The following DNAH14 variants were observed in gnomAD, a reference collection of about 807,000 sequenced individuals.
DNAH14 encodes axonemal beta dynein heavy chain 14.
In DNAH14, 478 loss-of-function variants were observed where a neutral mutation model predicts 520.9. The ratio of observed to expected loss-of-function variants is 0.92; its 90% CI spans 0.85 to 0.99. DNAH14 has a LOEUF of 0.99. DNAH14 is among the 50% of genes least tolerant of loss of function. DNAH14 has a pLI of 0.00. For synonymous variants in DNAH14, 1,581 were observed against 1,757.2 expected (o/e 0.90, Z 2.51); for missense variants, 4,831 against 5,234.5 (o/e 0.92, Z 2.38).
intron 17 of DNAH14, among the ~76,000 whole-genome samples, chr1:225,071,021 C>T (rs921664747): frequency 6.6e-6 from 1 of 152,122 alleles, no homozygotes; most frequent in Admixed American, 6.5e-5. Flanking sequence ...TTTCTGTTTT[C>T]CATTTGCTTC....
chr1:225,061,315 G>C (rs182859421), intron 17 of DNAH14, among the ~76,000 whole-genome samples: 2 of 152,252 alleles, frequency 1.3e-5, no homozygotes, highest in African/African-American at 2.4e-5. Flanking sequence ...CTCTGAGCCA[G>C]GCGCTGGATA....
intron 8 of DNAH14, among the ~76,000 whole-genome samples, chr1:224,990,783 A>G (rs1474335504): frequency 6.6e-6 from 1 of 152,140 alleles, no homozygotes; most frequent in East Asian, 1.9e-4. Context: ...TCTTTGACAT[A>G]CTTACTTCAA....
rs183518261 is a variant in DNAH14 at position 224,936,921 on chromosome 1, A to G, written c.-34+7086A>G. Among the ~76,000 whole-genome samples, 20 of 152,138 alleles carry G rather than the reference A, an allele frequency of 1.3e-4. No individual in the cohort carries two copies. The East Asian group carries it at 3.1e-3, about 23-fold the overall frequency. On this transcript the variant is annotated intron_variant, in intron 1 of 85. Coordinates refer to ENST00000682510, the MANE Select transcript of DNAH14 (RefSeq NM_001367479.1). ...ATGTAAAGATGGTTCAACATACACA[A>G]ATCAGTGAATGTGATACATCACATT...
chr1:225,089,149 T>C (rs983638737), intron 21 of DNAH14, among the ~76,000 whole-genome samples: 8 of 151,952 alleles, frequency 5.3e-5, no homozygotes, highest in African/African-American at 1.9e-4. Flanking sequence ...GACAAAGATA[T>C]TATAAGAAAA....
intron 8 of DNAH14, among the ~76,000 whole-genome samples, chr1:224,977,440 A>C (rs753440695): frequency 5.1e-4 from 78 of 152,170 alleles, no homozygotes; most frequent in Non-Finnish European, 1.0e-3. Context: ...ATACATATGT[A>C]ACTAACGTGC....
rs932134853 is a variant in DNAH14, at chr1:224,968,758, G to A, written c.652-1G>A. ...TAATGCTTTTGTGCTTTATTTTGTA[G>A]GTTATTAATATAGTTGGTAGTGTAA... On this transcript the variant is annotated splice_acceptor_variant, in intron 6 of 85. Coordinates refer to ENST00000682510, the MANE Select transcript of DNAH14 (RefSeq NM_001367479.1). LOFTEE classifies it high-confidence loss of function. The A allele has an allele frequency of 7.0e-7, 1 of 1,422,490 alleles. No individual in the cohort carries two copies. Among genetic ancestry groups the A allele is most frequent in the Non-Finnish European group, 9.3e-7 (1 of 1,071,568 alleles). The allele number at this position is 1,422,490 out of a possible 1,614,324, so 88.1% of individuals were successfully genotyped here.
chr1:225,114,682 C>A (rs10915779), intron 23 of DNAH14, among the ~76,000 whole-genome samples: 39,112 of 152,070 alleles, frequency 0.26, 7,734 homozygotes, highest in African/African-American at 0.55. Context: ...GGAATGGATG[C>A]TTACCCTCTG....
intron 4 of DNAH14, 81 bp from the exon 5 acceptor site, chr1:224,964,398 A>T: frequency 7.3e-7 from 1 of 1,367,698 alleles, no homozygotes; most frequent in South Asian, 2.2e-5. Context: ...TCTATATAGA[A>T]ATATTTGTAA....
rs530063673 is a variant in DNAH14 at position 225,240,155 on chromosome 1, T to C, written c.6519-438T>C. On this transcript the variant is annotated intron_variant, in intron 42 of 85. Transcript: ENST00000682510. ...CCACATAAAATTAAGAATTATAATT[T>C]CCTTTTCCAAAATACAGATAAACTG... Among the ~76,000 whole-genome samples the C allele has an allele frequency of 7.0e-4, 107 of 152,110 alleles. 1 individual carries two copies. The highest frequency in any genetic ancestry group is 2.5e-3 in the African/African-American group (104 of 41,550).
intron 17 of DNAH14, among the ~76,000 whole-genome samples, chr1:225,070,059 T>A (rs1357007810): frequency 1.3e-5 from 2 of 152,186 alleles, no homozygotes; most frequent in Non-Finnish European, 2.9e-5. Context: ...AATATCTCAC[T>A]TGTTATTTCT....
intron 29 of DNAH14, 49 bp downstream of exon 29, chr1:225,144,677 C>A: frequency 7.0e-7 from 1 of 1,432,880 alleles, no homozygotes; most frequent in Non-Finnish European, 9.4e-7. Flanking sequence ...TTTTCTGTCA[C>A]ACAAACTTTG....
chr1:225,384,842 A>T (rs985359290), intron 81 of DNAH14, among the ~76,000 whole-genome samples: 6 of 152,218 alleles, frequency 3.9e-5, no homozygotes, highest in Non-Finnish European at 5.9e-5. Context: ...TATTCCAATC[A>T]ATAGAAAAAG....
In DNAH14 at chr1:225,335,415, GCA is replaced by G. The variant is rs758254821; in HGVS notation, c.10081-1848_10081-1847del. Among the ~76,000 whole-genome samples the G allele has an allele frequency of 2.6e-4, 32 of 124,746 alleles. 8 individuals are homozygous for G. The South Asian group carries it at 3.5e-3, about 14-fold the overall frequency. 81.8% of individuals were successfully genotyped at this position (124,746 alleles called of 152,430 possible). On this transcript the variant is annotated intron_variant, in intron 66 of 85. Transcript: ENST00000682510. ...TACACATGTGTACATGTGTGTGTAT[GCA>G]CATATGCACGTGTGTACATGTGTGT... is the stretch of plus-strand genomic sequence containing the variant.
rs116894347 is a variant in DNAH14, at chr1:225,260,644, G to A, written c.7157+1391G>A. On this transcript the variant is annotated intron_variant, in intron 46 of 85. Coordinates refer to ENST00000682510, the MANE Select transcript of DNAH14 (RefSeq NM_001367479.1). ...CCCCTCAAGATTGCTTTGGCTATTC[G>A]GGATCTTTTGTGGTTCCACTGGCAA... Among the ~76,000 whole-genome samples, 144 of 151,908 alleles carry A rather than the reference G, an allele frequency of 9.5e-4. 2 individuals carry two copies. The East Asian group carries it at 0.022, about 23-fold the overall frequency.
At chr1:225,287,505 C>G (rs2093774784) in intron 54 of DNAH14, among the ~76,000 whole-genome samples, 1 of 152,066 alleles carries the variant, frequency 6.6e-6, no homozygotes, top group African/African-American at 2.4e-5. Context: ...CATGTAGTAA[C>G]AGAGTTGGAG....
chr1:225,358,189 A>T (rs2095452901), intron 73 of DNAH14, among the ~76,000 whole-genome samples: 2 of 152,134 alleles, frequency 1.3e-5, no homozygotes, highest in African/African-American at 4.8e-5. Flanking sequence ...AGGGGAAAAA[A>T]TTTCTTTTTG....
intron 8 of DNAH14, among the ~76,000 whole-genome samples, chr1:225,000,360 A>C (rs927963586): frequency 1.3e-5 from 2 of 151,664 alleles, no homozygotes; most frequent in African/African-American, 2.4e-5. Context: ...TTTGGTGTGG[A>C]TTATTTTGTC....
At chr1:225,302,864 G>A (rs2094165711) in intron 56 of DNAH14, among the ~76,000 whole-genome samples, 1 of 152,150 alleles carries the variant, frequency 6.6e-6, no homozygotes. Flanking sequence ...GAGTTAAACA[G>A]TCAGACCCAG....
chr1:225,108,373 A>G (rs9725252), intron 23 of DNAH14, among the ~76,000 whole-genome samples: 19,699 of 152,076 alleles, frequency 0.13, 3,944 homozygotes, highest in African/African-American at 0.43. Flanking sequence ...GTGGGACTTC[A>G]CCTTGTGACC....
Sources: gnomAD v4.1 joint callset for allele counts (sites outside exome capture counted in the v4.1 genomes callset) on GRCh38, gnomAD v4.1.1 for gene constraint, MANE v1.5 for transcripts, NCBI Gene and HGNC (gene_info 2026-07-23, HGNC 2026-07-21) for gene names.